Variants in NRG3 observed in about 807,000 individuals in gnomAD.
NRG3 encodes the protein neuregulin 3.
In NRG3, 31 loss-of-function variants were observed where a neutral mutation model predicts 66.9. The ratio of observed to expected loss-of-function variants is 0.46; its 90% CI spans 0.35 to 0.63. The LOEUF (loss-of-function observed/expected upper bound fraction) is 0.63, where lower values mean the gene tolerates loss of function less well. Ranked by LOEUF, NRG3 falls within the 20% of genes least tolerant of loss-of-function variation. NRG3 has a pLI of 0.00. For missense variants in NRG3, 910 were observed against 878.9 expected (o/e 1.04, Z -0.45); for synonymous variants, 393 against 359.4 (o/e 1.09, Z -1.06).
At chr10:82,226,742 A>C (rs2076181848) in intron 1 of NRG3, among the ~76,000 whole-genome samples, 1 of 152,172 alleles carries the variant, frequency 6.6e-6, no homozygotes, top group Admixed American at 6.5e-5. Context: ...TAGGAAACTG[A>C]GATTCAAATT....
At chr10:82,876,379 T>C (rs1841821764) in intron 4 of NRG3, among the ~76,000 whole-genome samples, 2 of 152,228 alleles carry the variant, frequency 1.3e-5, no homozygotes. Flanking sequence ...CAATGAATTC[T>C]AGTTGAAGGA....
intron 2 of NRG3, among the ~76,000 whole-genome samples, chr10:82,425,424 C>T (rs1194347470): frequency 1.3e-5 from 2 of 150,854 alleles, no homozygotes; most frequent in Non-Finnish European, 3.0e-5. Flanking sequence ...TTAGAGTTTC[C>T]ATTTCTCTGC....
chr10:82,531,563 A>T (rs1362930788), intron 2 of NRG3, among the ~76,000 whole-genome samples: 2 of 151,818 alleles, frequency 1.3e-5, no homozygotes, highest in African/African-American at 4.8e-5. Flanking sequence ...AGTTATTTTT[A>T]AAAATGTGAT....
chr10:82,975,486 C>G (rs1475351870), intron 7 of NRG3, among the ~76,000 whole-genome samples: 1 of 152,116 alleles, frequency 6.6e-6, no homozygotes, highest in Non-Finnish European at 1.5e-5. Flanking sequence ...AGGAGTCACT[C>G]ACAGATTAAA....
chr10:81,899,690 C>T (rs1843848132), intron 1 of NRG3, among the ~76,000 whole-genome samples: 1 of 152,336 alleles, frequency 6.6e-6, no homozygotes, highest in Non-Finnish European at 1.5e-5. Context: ...CATGAAGCTA[C>T]AGGCCTGAAG....
chr10:82,327,798 A>G (rs1011263409), intron 1 of NRG3, among the ~76,000 whole-genome samples: 3 of 152,182 alleles, frequency 2.0e-5, no homozygotes, highest in African/African-American at 4.8e-5. Flanking sequence ...AATTTCTCAC[A>G]GTTCCTGAAG....
In NRG3 at chr10:81,888,146, A is replaced by G. The variant is rs1367510641; in HGVS notation, c.823+11983A>G. On this transcript the variant is annotated intron_variant, in intron 1 of 8. Transcript: ENST00000372141. The stretch of plus-strand genomic sequence containing the variant: ...TGGTGTCTCACAGTCCAGCAGATGC[A>G]AAGAGGGTCTTCCTGGCTTCAGCAT... 3.9e-5 allele frequency among the ~76,000 whole-genome samples: 6 copies of G among 152,142 alleles called. No homozygotes were observed. The East Asian group carries it at 1.2e-3, about 29-fold the overall frequency.
At chr10:82,245,948 G>A (rs1327141987) in intron 1 of NRG3, among the ~76,000 whole-genome samples, 2 of 142,406 alleles carry the variant, frequency 1.4e-5, no homozygotes, top group African/African-American at 2.6e-5. Context: ...CATGATTGTA[G>A]CATTAGCCTG....
rs114390635 is a variant in NRG3 at position 82,211,265 on chromosome 10, C to G, written c.824-147474C>G. Reference sequence around the variant, plus strand: ...CGCTGACTGCCTCTTAAGCCTTAACCAAGCTTTAAACTTTAGGGATTTCCA... The same window carrying G: ...CGCTGACTGCCTCTTAAGCCTTAACGAAGCTTTAAACTTTAGGGATTTCCA... On this transcript the variant is annotated intron_variant, in intron 1 of 8. Coordinates refer to ENST00000372141, the MANE Select transcript of NRG3 (RefSeq NM_001010848.4). Among the ~76,000 whole-genome samples the G allele has an allele frequency of 3.6e-4, 55 of 152,254 alleles. 1 individual carries two copies. Among genetic ancestry groups the G allele is most frequent in the African/African-American group, 1.3e-3 (55 of 41,552 alleles).
chr10:82,357,383 G>C (rs1384211419), intron 1 of NRG3, among the ~76,000 whole-genome samples: 1 of 152,170 alleles, frequency 6.6e-6, no homozygotes. Context: ...ACGATAATCA[G>C]GGAAGAAGCT....
At chr10:82,564,324 G>T (rs2045250741) in intron 2 of NRG3, among the ~76,000 whole-genome samples, 1 of 152,116 alleles carries the variant, frequency 6.6e-6, no homozygotes, top group South Asian at 2.1e-4. Context: ...TTTGGATGGA[G>T]CTTCTCTGAA....
chr10:82,543,793 C>G (rs916304225), intron 2 of NRG3, among the ~76,000 whole-genome samples: 1 of 152,160 alleles, frequency 6.6e-6, no homozygotes, highest in Non-Finnish European at 1.5e-5. Context: ...CATCAGGGCT[C>G]AGAATTCAGT....
At chr10:82,258,678 G>A (rs1225350535) in intron 1 of NRG3, among the ~76,000 whole-genome samples, 1 of 152,190 alleles carries the variant, frequency 6.6e-6, no homozygotes, top group Non-Finnish European at 1.5e-5. Flanking sequence ...CAAACAGGCA[G>A]TGTGTTAAGG....
chr10:82,009,707 T>TA, intron 1 of NRG3, among the ~76,000 whole-genome samples: 1 of 152,016 alleles, frequency 6.6e-6, no homozygotes, highest in East Asian at 1.9e-4. Flanking sequence ...AGAAGAGGAC[T>TA]CCATCTTTCT....
At chr10:82,864,273 T>C (rs509377) in intron 3 of NRG3, among the ~76,000 whole-genome samples, 96,608 of 151,970 alleles carry the variant, frequency 0.64, 31,712 homozygotes, top group African/African-American at 0.8. Flanking sequence ...CACTGAGTCA[T>C]GCACTTAAGC....
At chr10:82,336,095 G>T (rs1315842659) in intron 1 of NRG3, among the ~76,000 whole-genome samples, 1 of 152,150 alleles carries the variant, frequency 6.6e-6, no homozygotes, top group Non-Finnish European at 1.5e-5. Flanking sequence ...CCAGATTTGG[G>T]CCTGGGACCA....
At chr10:82,132,505 C>G (rs1462198303) in intron 1 of NRG3, among the ~76,000 whole-genome samples, 750 of 60,178 alleles carry the variant, frequency 0.012, 39 homozygotes, top group African/African-American at 0.019. Flanking sequence ...ATATATATAT[C>G]ATATATATAT....
intron 1 of NRG3, among the ~76,000 whole-genome samples, chr10:82,299,859 A>C (rs887313865): frequency 1.3e-5 from 2 of 152,204 alleles, no homozygotes. Flanking sequence ...AATGTATTTT[A>C]GATGACTTTT....
At chr10:82,938,580 C>T (rs1848299047) in intron 4 of NRG3, among the ~76,000 whole-genome samples, 1 of 152,158 alleles carries the variant, frequency 6.6e-6, no homozygotes. Context: ...ACTGCCAATA[C>T]CTGTGGTAAA....
Sources: allele counts gnomAD v4.1 joint callset (sites outside exome capture counted in the v4.1 genomes callset), GRCh38; gene constraint gnomAD v4.1.1; transcripts MANE v1.5; gene names NCBI Gene and HGNC (gene_info 2026-07-23, HGNC 2026-07-21).